The following DOCK4 variants were observed in gnomAD, a reference collection of about 807,000 sequenced individuals.
The protein encoded by DOCK4 is dedicator of cytokinesis protein 4.
In DOCK4, 97 loss-of-function variants were observed where a neutral mutation model predicts 268.1. The ratio of observed to expected loss-of-function variants is 0.36; its 90% confidence interval spans 0.31 to 0.43. DOCK4 has a LOEUF of 0.43. Among genes scored for constraint, DOCK4 ranks in the 20% least tolerant of loss-of-function variants. The probability of loss-of-function intolerance (pLI) is 1.00; values close to 1 mark genes in which losing one functional copy is unlikely to be tolerated. For synonymous variants in DOCK4, 954 were observed against 887.2 expected (o/e 1.08, Z -1.34); for missense variants, 2,145 against 2,455.7 (o/e 0.87, Z 2.67).
At chr7:111,783,213 G>C (rs1010809603) in intron 34 of DOCK4, among the ~76,000 whole-genome samples, 1 of 152,092 alleles carries the variant, frequency 6.6e-6, no homozygotes, top group African/African-American at 2.4e-5. Flanking sequence ...CAATGGACAT[G>C]GGCTCAGGAA....
chr7:111,970,976 T>C (rs1016180381), intron 8 of DOCK4, among the ~76,000 whole-genome samples: 1 of 152,200 alleles, frequency 6.6e-6, no homozygotes, highest in Non-Finnish European at 1.5e-5. Flanking sequence ...CCAGCTTCAA[T>C]GACAAGTTCT....
chr7:112,161,003 A>G (rs1817066643), intron 1 of DOCK4, among the ~76,000 whole-genome samples: 1 of 152,212 alleles, frequency 6.6e-6, no homozygotes. Flanking sequence ...GCAGGGGGAC[A>G]GAAAGACTTA....
chr7:111,936,726 A>C (rs1694271939), intron 11 of DOCK4, among the ~76,000 whole-genome samples: 1 of 152,198 alleles, frequency 6.6e-6, no homozygotes, highest in African/African-American at 2.4e-5. Context: ...GATTCTGTAC[A>C]CTATCAATCA....
At chr7:111,957,533 G>C (rs1796539651) in intron 8 of DOCK4, among the ~76,000 whole-genome samples, 1 of 152,136 alleles carries the variant, frequency 6.6e-6, no homozygotes, top group Non-Finnish European at 1.5e-5. Flanking sequence ...TTGAACATCA[G>C]TAGACTACAA....
chr7:112,007,774 A>G (rs1000134743), intron 1 of DOCK4, among the ~76,000 whole-genome samples: 2 of 152,198 alleles, frequency 1.3e-5, no homozygotes, highest in African/African-American at 4.8e-5. Flanking sequence ...GCATTAATGA[A>G]GCTTCAATAT....
chr7:111,917,961 C>T (rs1030431046), intron 12 of DOCK4, among the ~76,000 whole-genome samples: 1 of 152,112 alleles, frequency 6.6e-6, no homozygotes, highest in Non-Finnish European at 1.5e-5. Context: ...GGAAGGTCTT[C>T]CCTTTTACTC....
chr7:111,843,113 T>C (rs142125912), intron 25 of DOCK4, among the ~76,000 whole-genome samples: 5 of 152,338 alleles, frequency 3.3e-5, no homozygotes, highest in African/African-American at 1.2e-4. Context: ...ATCTGACACA[T>C]ACAAAATGGT....
intron 1 of DOCK4, among the ~76,000 whole-genome samples, chr7:112,169,105 G>A (rs1817857316): frequency 6.6e-6 from 1 of 152,162 alleles, no homozygotes; most frequent in African/African-American, 2.4e-5. Flanking sequence ...TCACGATAGT[G>A]AGCTCTCATG....
chr7:111,754,673 G>A (rs906967465), intron 42 of DOCK4, among the ~76,000 whole-genome samples: 2 of 152,316 alleles, frequency 1.3e-5, no homozygotes, highest in African/African-American at 2.4e-5. Flanking sequence ...AGGTGCTGTC[G>A]CTGGAAGAAC....
chr7:111,950,058 C>G, intron 8 of DOCK4, among the ~76,000 whole-genome samples: 1 of 152,238 alleles, frequency 6.6e-6, no homozygotes, highest in Non-Finnish European at 1.5e-5. Flanking sequence ...TCCAGAGTAG[C>G]TGGGACTACA....
At chr7:111,786,720 A>G (rs3757644) in intron 32 of DOCK4, among the ~76,000 whole-genome samples, 12,290 of 152,230 alleles carry the variant, frequency 0.081, 837 homozygotes, top group African/African-American at 0.18. Flanking sequence ...TTTGTACCAT[A>G]TAACGGCATG....
At chr7:111,851,057 C>T (rs1804505530) in intron 23 of DOCK4, among the ~76,000 whole-genome samples, 1 of 152,080 alleles carries the variant, frequency 6.6e-6, no homozygotes, top group South Asian at 2.1e-4. Flanking sequence ...ATGTTAAAAA[C>T]AAAAACAAAA....
chr7:112,141,962 C>G lies in DOCK4; in HGVS notation c.37+64140G>C, dbSNP rs559711298. Among the ~76,000 whole-genome samples, 92 of 152,292 alleles carry G rather than the reference C, an allele frequency of 6.0e-4. 1 individual carries two copies. The highest frequency in any genetic ancestry group is 1.4e-3 in the East Asian group (7 of 5,182). On this transcript the variant is annotated intron_variant, in intron 1 of 52. Transcript: ENST00000428084. ...CACAGTTTTAAAATGTAACATCCCC[C>G]CACTCATTGCAATTCTTAACTACTT... is the stretch of plus-strand genomic sequence containing the variant.
At chr7:112,174,509 T>C (rs1027859420) in intron 1 of DOCK4, among the ~76,000 whole-genome samples, 1 of 151,982 alleles carries the variant, frequency 6.6e-6, no homozygotes, top group African/African-American at 2.4e-5. Context: ...ACATCGTAAC[T>C]ACACATGCAC....
chr7:112,129,432 C>G (rs976854144), intron 1 of DOCK4, among the ~76,000 whole-genome samples: 2 of 152,052 alleles, frequency 1.3e-5, no homozygotes, highest in Non-Finnish European at 2.9e-5. Flanking sequence ...TTTGATGGAA[C>G]AATTCTGTAT....
intron 40 of DOCK4, 119 bp downstream of exon 40, chr7:111,760,062 G>A (rs182973139): frequency 1.2e-5 from 15 of 1,227,080 alleles, no homozygotes; most frequent in Non-Finnish European, 1.7e-5. Context: ...GGGAAAGAGG[G>A]AGCAGTAACG....
At chr7:111,741,884 G>T in intron 45 of DOCK4, 129 bp downstream of exon 45, 2 of 1,333,150 alleles carry the variant, frequency 1.5e-6, no homozygotes, top group Non-Finnish European at 2.0e-6. Flanking sequence ...GTATTTGAGG[G>T]CTCCCTGGTA....
intron 1 of DOCK4, among the ~76,000 whole-genome samples, chr7:112,037,831 G>T (rs1803956850): frequency 6.6e-6 from 1 of 152,044 alleles, no homozygotes; most frequent in Non-Finnish European, 1.5e-5. Context: ...CTTTCATAGG[G>T]TCTATATCAT....
chr7:111,926,098 A>G (rs556675707), intron 12 of DOCK4, among the ~76,000 whole-genome samples: 7 of 141,342 alleles, frequency 5.0e-5, no homozygotes, highest in Non-Finnish European at 1.1e-4. Flanking sequence ...AGAAAAAAGA[A>G]AGAGAGAGAG....
Sources: gnomAD v4.1 joint callset for allele counts (sites outside exome capture counted in the v4.1 genomes callset) on GRCh38, gnomAD v4.1.1 for gene constraint, MANE v1.5 for transcripts, NCBI Gene and HGNC (gene_info 2026-07-23, HGNC 2026-07-21) for gene names.